Variants in TNFRSF9 observed in about 807,000 individuals in gnomAD.
TNFRSF9 encodes tumor necrosis factor receptor superfamily member 9.
TNFRSF9 carries 16 observed loss-of-function variants against 28.8 expected under a neutral mutation model. The observed-to-expected ratio is 0.55, with a 90% CI of 0.38 to 0.84. The LOEUF is 0.84. Ranked by LOEUF, TNFRSF9 falls within the 40% of genes least tolerant of loss-of-function variation. The pLI, the probability that TNFRSF9 is intolerant of heterozygous loss-of-function variation, is 0.00. For missense variants in TNFRSF9, 303 were observed against 315.0 expected (o/e 0.96, Z 0.29); for synonymous variants, 131 against 117.0 (o/e 1.12, Z -0.77).
At chr1:7,927,669 G>GA (rs569881450) in intron 7 of TNFRSF9, among the ~76,000 whole-genome samples, 127 of 127,668 alleles carry the variant, frequency 9.9e-4, no homozygotes, top group Middle Eastern at 4.1e-3. Context: ...CCCTGTCTCA[G>GA]AAAAAAAAAA....
At chr1:7,938,465 A>G in intron 3 of TNFRSF9, 135 bp from the exon 4 acceptor site, 1 of 1,048,428 alleles carries the variant, frequency 9.5e-7, no homozygotes, top group Non-Finnish European at 1.3e-6. Flanking sequence ...TTACTTTTAA[A>G]TCTCCATAAA....
Position 7,932,691 on chromosome 1 carries a change from G to A in TNFRSF9, c.679+471C>T, listed in dbSNP as rs942752127. Among the ~76,000 whole-genome samples, 15 of 147,932 alleles carry A rather than the reference G, an allele frequency of 1.0e-4. No homozygotes were observed. In the East Asian group the frequency reaches 1.4e-3, roughly 14 times the overall value. On this transcript the variant is annotated intron_variant, in intron 7 of 7. Transcript: ENST00000377507. Reference sequence around the variant, plus strand: ...CACACATACACACACGCACGCACGCGCACACACACACGCACACACACACAG... The same window carrying A: ...CACACATACACACACGCACGCACGCACACACACACACGCACACACACACAG...
chr1:7,936,864 G>A (rs1449592953), intron 5 of TNFRSF9, among the ~76,000 whole-genome samples: 1 of 152,174 alleles, frequency 6.6e-6, no homozygotes. Flanking sequence ...CACCACTGTC[G>A]ATGGGGACAC....
intron 5 of TNFRSF9, among the ~76,000 whole-genome samples, chr1:7,937,445 C>T (rs1243228218): frequency 6.6e-6 from 1 of 152,126 alleles, no homozygotes; most frequent in Non-Finnish European, 1.5e-5. Context: ...AGGCGTGAAC[C>T]ACTGCACGTG....
chr1:7,916,737 T>G lies in TNFRSF9; in HGVS notation c.*4098A>C, dbSNP rs1183295917. 1 of 152,246 alleles carries G rather than the reference T, an allele frequency of 6.6e-6. No individual in the cohort carries two copies. The highest frequency in any genetic ancestry group is 1.5e-5 in the Non-Finnish European group (1 of 68,046). The allele number at this position is 152,246 out of a possible 1,614,324, so 9.4% of individuals were successfully genotyped here. On this transcript the variant is annotated 3_prime_UTR_variant, in exon 8 of 8. Coordinates refer to ENST00000377507, the MANE Select transcript of TNFRSF9 (RefSeq NM_001561.6). ...ACTTCCTAAGCTTTGCTTTGCCTAC[T>G]ATTTGGCAAGAATTGTACAGCCAAT...
chr1:7,924,936 A>G (rs1026353445), intron 7 of TNFRSF9, among the ~76,000 whole-genome samples: 1 of 152,178 alleles, frequency 6.6e-6, no homozygotes, highest in Non-Finnish European at 1.5e-5. Flanking sequence ...ATAAAGAGAA[A>G]ATATTTTTGT....
In TNFRSF9 at chr1:7,920,918, T is replaced by C. The variant is rs1363451208; in HGVS notation, c.685A>G (p.Met229Val). ...KLLYIFKQPFMRPVQTTQEED... is the reference protein window; with the variant it reads ...KLLYIFKQPFVRPVQTTQEED... ...TCTTGAGTAGTTTGTACTGGTCTCATAAATGCTAAAAAAAAAATTTTAAGA... is the reference window on the plus strand; with the variant it reads ...TCTTGAGTAGTTTGTACTGGTCTCACAAATGCTAAAAAAAAAATTTTAAGA... The change falls in exon 8 of 8, where the codon ATG (methionine) becomes GTG (valine). Residue 229 changes from methionine (M) to valine (V), a missense_variant. Coordinates refer to ENST00000377507, the MANE Select transcript of TNFRSF9 (RefSeq NM_001561.6). 5 of 1,609,360 alleles carry C rather than the reference T, an allele frequency of 3.1e-6. No homozygotes were observed. Among genetic ancestry groups the C allele is most frequent in the Middle Eastern group, 1.7e-4 (1 of 6,058 alleles).
chr1:7,920,778 A>G lies in TNFRSF9; in HGVS notation c.*57T>C. The G allele has an allele frequency of 7.8e-7, 1 of 1,282,474 alleles. No homozygotes were observed. The highest frequency in any genetic ancestry group is 1.7e-5 in the Admixed American group (1 of 59,076). 79.4% of individuals were successfully genotyped at this position (1,282,474 alleles called of 1,614,324 possible). A position where few individuals can be genotyped will look rare whatever the true frequency, so the allele number is the denominator to read the frequency against. On this transcript the variant is annotated 3_prime_UTR_variant, in exon 8 of 8. Transcript: ENST00000377507. Reference sequence around the variant, plus strand: ...CTTTTGAAAGCTGTGATAGCGGATGACTCATATTTCCTTGCTTCTTTTCAA... The same window carrying G: ...CTTTTGAAAGCTGTGATAGCGGATGGCTCATATTTCCTTGCTTCTTTTCAA...
chr1:7,932,771 C>G (rs1639753221), intron 7 of TNFRSF9, among the ~76,000 whole-genome samples: 1 of 151,780 alleles, frequency 6.6e-6, no homozygotes, highest in Non-Finnish European at 1.5e-5. Flanking sequence ...ATGCAATAAT[C>G]CAAGGCTGCA....
chr1:7,918,655 C>G lies in TNFRSF9; in HGVS notation c.*2180G>C, dbSNP rs1245523366. 6.6e-6 allele frequency: 1 copy of G among 152,214 alleles called. No homozygotes were observed. Among genetic ancestry groups the G allele is most frequent in the Non-Finnish European group, 1.5e-5 (1 of 68,046 alleles). 9.4% of individuals were successfully genotyped at this position (152,214 alleles called of 1,614,324 possible). On this transcript the variant is annotated 3_prime_UTR_variant, in exon 8 of 8. Coordinates refer to ENST00000377507, the MANE Select transcript of TNFRSF9 (RefSeq NM_001561.6). ...GAGCTGGGACTACAGGCATGAGCCACTGCACCCGGCCCCAAGTTTTTTTGC... is the reference window on the plus strand; with the variant it reads ...GAGCTGGGACTACAGGCATGAGCCAGTGCACCCGGCCCCAAGTTTTTTTGC...
intron 7 of TNFRSF9, among the ~76,000 whole-genome samples, chr1:7,929,945 GTTCT>G (rs935299336): frequency 4.9e-5 from 7 of 142,460 alleles, no homozygotes; most frequent in Admixed American, 2.1e-4. Context: ...AAAATTGAAA[GTTCT>G]TTTGAACGAC....
rs560434186 is a variant in TNFRSF9 at position 7,924,863 on chromosome 1, AG to A, written c.680-3941del. The stretch of plus-strand genomic sequence containing the variant: ...TCGTGTCTTAGTTTTTCACAAAAAA[AG>A]TTTAAAAAGTAAAAAGCAATTTAAA... On this transcript the variant is annotated intron_variant, in intron 7 of 7. Transcript: ENST00000377507. Among the ~76,000 whole-genome samples, 16 of 152,322 alleles carry A rather than the reference AG, an allele frequency of 1.1e-4. No homozygotes were observed. The South Asian group carries it at 3.3e-3, about 32-fold the overall frequency.
At chr1:7,925,446 G>A (rs1639637365) in intron 7 of TNFRSF9, among the ~76,000 whole-genome samples, 1 of 152,154 alleles carries the variant, frequency 6.6e-6, no homozygotes, top group Admixed American at 6.6e-5. Context: ...ATACAGCAGA[G>A]GTCCCCAACC....
intron 7 of TNFRSF9, among the ~76,000 whole-genome samples, chr1:7,930,194 C>T (rs968146598): frequency 6.6e-6 from 1 of 151,944 alleles, no homozygotes; most frequent in Non-Finnish European, 1.5e-5. Context: ...TGTTGAACTC[C>T]TAACCTCAGG....
At chr1:7,921,279 T>C (rs1390221715) in intron 7 of TNFRSF9, among the ~76,000 whole-genome samples, 1 of 151,194 alleles carries the variant, frequency 6.6e-6, no homozygotes, top group African/African-American at 2.4e-5. Context: ...GAGATTGCAG[T>C]GACTTGAGAT....
rs1002097566 is a variant in TNFRSF9 at position 7,937,141 on chromosome 1, A to G, written c.413+549T>C. On this transcript the variant is annotated intron_variant, in intron 5 of 7. Coordinates refer to ENST00000377507, the MANE Select transcript of TNFRSF9 (RefSeq NM_001561.6). ...CAGCAAAGGAATGAGAAGGAAACAG[A>G]AAAGAGGCAGACAGCGGCAAAGTTC... Among the ~76,000 whole-genome samples, 4 of 152,230 alleles carry G rather than the reference A, an allele frequency of 2.6e-5. No homozygotes were observed. The East Asian group carries it at 5.8e-4, about 22-fold the overall frequency.
chr1:7,929,157 C>CTTTTTTTTTTTTTTTTTTTTTT lies in TNFRSF9; in HGVS notation c.679+4004_679+4005insAAAAAAAAAAAAAAAAAAAAAA, dbSNP rs1491203940. 9.2e-5 allele frequency among the ~76,000 whole-genome samples: 6 copies of CTTTTTTTTTTTTTTTTTTTTTT among 65,438 alleles called. 1 individual carries two copies. The highest frequency in any genetic ancestry group is 2.0e-4 in the Non-Finnish European group (5 of 25,482). 42.9% of individuals were successfully genotyped at this position (65,438 alleles called of 152,430 possible). A position where few individuals can be genotyped will look rare whatever the true frequency, so the allele number is the denominator to read the frequency against. Reference sequence around the variant, plus strand: ...CTCAGTTTTTCTTTTTTTTCTTTTTCCTTTTTTTTTTTTTTTTTTTTTGAG... The same window carrying CTTTTTTTTTTTTTTTTTTTTTT: ...CTCAGTTTTTCTTTTTTTTCTTTTTCTTTTTTTTTTTTTTTTTTTTTTCTTTTTTTTTTTTTTTTTTTTTGAG... On this transcript the variant is annotated intron_variant, in intron 7 of 7. Coordinates refer to ENST00000377507, the MANE Select transcript of TNFRSF9 (RefSeq NM_001561.6).
intron 7 of TNFRSF9, among the ~76,000 whole-genome samples, chr1:7,924,488 A>C (rs1639610099): frequency 6.6e-6 from 1 of 151,794 alleles, no homozygotes; most frequent in Non-Finnish European, 1.5e-5. Context: ...TTAGCCAGGC[A>C]TGGCGGCATG....
Position 7,920,833 on chromosome 1 carries a change from T to G in TNFRSF9, c.*2A>C. The G allele has an allele frequency of 6.2e-7, 1 of 1,612,780 alleles. No homozygotes were observed. Among genetic ancestry groups the G allele is most frequent in the South Asian group, 1.1e-5 (1 of 91,036 alleles). On this transcript the variant is annotated 3_prime_UTR_variant, in exon 8 of 8. Coordinates refer to ENST00000377507, the MANE Select transcript of TNFRSF9 (RefSeq NM_001561.6). ...GTCCCAACAGCCCTATTGACTTCCA[T>G]TTCACAGTTCACATCCTCCTTCTTC... is the stretch of plus-strand genomic sequence containing the variant.
Sources: allele counts gnomAD v4.1 joint callset (sites outside exome capture counted in the v4.1 genomes callset), GRCh38; gene constraint gnomAD v4.1.1; transcripts MANE v1.5; gene names NCBI Gene and HGNC (gene_info 2026-07-23, HGNC 2026-07-21).